The following ADGRL1 variants were observed in gnomAD, a reference collection of about 807,000 sequenced individuals.
The protein encoded by ADGRL1 is CIRL-1.
ADGRL1 carries 31 observed loss-of-function variants against 148.9 expected under a neutral mutation model. That is an observed-to-expected ratio of 0.21 (90% CI 0.16 to 0.28). The LOEUF is 0.28. ADGRL1 is among the 10% of genes least tolerant of loss of function. The pLI, the probability that ADGRL1 is intolerant of heterozygous loss-of-function variation, is 1.00. For synonymous variants in ADGRL1, 937 were observed against 900.3 expected, an observed-to-expected ratio of 1.04 and a Z score of -0.73; for missense variants, 1,521 against 2,058.8, an observed-to-expected ratio of 0.74 and a Z score of 5.05.
rs1452618572 is a variant in ADGRL1, at chr19:14,155,907, T to C, written c.3125+203A>G. The C allele has an allele frequency of 1.7e-6, 1 of 593,402 alleles. No individual in the cohort carries two copies. Among genetic ancestry groups the C allele is most frequent in the East Asian group, 2.8e-5 (1 of 35,702 alleles). The allele number at this position is 593,402 out of a possible 1,614,324, so 36.8% of individuals were successfully genotyped here. A position where few individuals can be genotyped will look rare whatever the true frequency, so the allele number is the denominator to read the frequency against. ...ATACCGATGCCCCTAAAACCACAGG[T>C]TGGACGTGCTAATGATACGCTATCT... is the stretch of plus-strand genomic sequence containing the variant. On this transcript the variant is annotated intron_variant, in intron 17 of 22. Coordinates refer to ENST00000361434, the MANE Select transcript of ADGRL1 (RefSeq NM_014921.5). The surrounding 1 kb of genome is among the most constrained non-coding windows in gnomAD (Gnocchi z 5.0).
Position 14,160,487 on chromosome 19 carries a change from C to T in ADGRL1, c.1614+106G>A. 1.0e-6 allele frequency: 1 copy of T among 979,292 alleles called. No individual in the cohort carries two copies. Among genetic ancestry groups the T allele is most frequent in the South Asian group, 1.7e-5 (1 of 59,442 alleles). The allele number at this position is 979,292 out of a possible 1,614,324, so 60.7% of individuals were successfully genotyped here. On this transcript the variant is annotated intron_variant, in intron 7 of 22. Coordinates refer to ENST00000361434, the MANE Select transcript of ADGRL1 (RefSeq NM_014921.5). This position sits in a 1 kb window ranked among gnomAD's most constrained non-coding sequence, Gnocchi z 5.9. ...GGAGGTGACCCCACAGTCCTGCCTT[C>T]CAGACCTGCCAGCCCATGTCTCCCC... is the stretch of plus-strand genomic sequence containing the variant.
rs1483656970 is a variant in ADGRL1 at position 14,155,571 on chromosome 19, G to A, written c.3126-44C>T. 6.2e-7 allele frequency: 1 copy of A among 1,602,904 alleles called. No homozygotes were observed. The highest frequency in any genetic ancestry group is 8.5e-7 in the Non-Finnish European group (1 of 1,174,438). ...GGGAGTCAAAGTACCCGCCGGAGGGGACGGCCTCAGCCCAGGCCTCCCCTG... is the reference window on the plus strand; with the variant it reads ...GGGAGTCAAAGTACCCGCCGGAGGGAACGGCCTCAGCCCAGGCCTCCCCTG... On this transcript the variant is annotated intron_variant, in intron 17 of 22. Coordinates refer to ENST00000361434, the MANE Select transcript of ADGRL1 (RefSeq NM_014921.5). This position sits in a 1 kb window ranked among gnomAD's most constrained non-coding sequence, Gnocchi z 5.0.
In ADGRL1 at chr19:14,160,337, G is replaced by A. The variant is rs756534384; in HGVS notation, c.1615-40C>T. 5.8e-6 allele frequency: 9 copies of A among 1,550,928 alleles called. No homozygotes were observed. The highest frequency in any genetic ancestry group is 2.7e-5 in the African/African-American group (2 of 73,742). ...GGCGGGAAGGGGGAATCCCAGGACT[G>A]TCAGGGACCATCCTGCCCTCCCCGG... On this transcript the variant is annotated intron_variant, in intron 7 of 22. Coordinates refer to ENST00000361434, the MANE Select transcript of ADGRL1 (RefSeq NM_014921.5). This position sits in a 1 kb window ranked among gnomAD's most constrained non-coding sequence, Gnocchi z 5.9.
At chr19:14,183,203 G>GAGAGAGAGAGAGAT in intron 2 of ADGRL1, among the ~76,000 whole-genome samples, 1 of 149,502 alleles carries the variant, frequency 6.7e-6, no homozygotes, top group South Asian at 2.1e-4. Context: ...CAGAGAGAGA[G>GAGAGAGAGAGAGAT]AGAGAGAGAG....
At chr19:14,168,135 C>A (rs570376926) in intron 4 of ADGRL1, among the ~76,000 whole-genome samples, 29 of 152,200 alleles carry the variant, frequency 1.9e-4, no homozygotes, top group Admixed American at 3.9e-4. Context: ...GGCCGCTCCC[C>A]CTCTGCATCC....
intron 2 of ADGRL1, 105 bp downstream of exon 2, chr19:14,183,428 G>C (rs139930568): frequency 4.7e-6 from 5 of 1,060,148 alleles, no homozygotes; most frequent in Non-Finnish European, 6.9e-6. Context: ...GGGGCAGGGG[G>C]CTGTAATTCT....
At chr19:14,156,564 T>TGG (rs1404237126) in intron 16 of ADGRL1, 94 bp downstream of exon 16, 3 of 519,132 alleles carry the variant, frequency 5.8e-6, no homozygotes, top group African/African-American at 6.9e-5. Context: ...TGTGTGTGTG[T>TGG]GTGGGGGGGG....
intron 11 of ADGRL1, 28 bp from the exon 12 acceptor site, chr19:14,158,580 G>T: frequency 6.4e-7 from 1 of 1,565,206 alleles, no homozygotes; most frequent in South Asian, 1.1e-5. Flanking sequence ...GTTTGGATGT[G>T]TCAGCATCCT....
chr19:14,183,179 C>G (rs746025751), intron 2 of ADGRL1, among the ~76,000 whole-genome samples: 21 of 141,740 alleles, frequency 1.5e-4, no homozygotes, highest in Non-Finnish European at 2.5e-4. Context: ...GTGAGAGCCT[C>G]GAAGATGTAA....
intron 3 of ADGRL1, among the ~76,000 whole-genome samples, chr19:14,172,903 T>G (rs1259621768): frequency 6.6e-6 from 1 of 152,202 alleles, no homozygotes; most frequent in African/African-American, 2.4e-5. Flanking sequence ...TGTAACAATA[T>G]TTTACTACTA....
chr19:14,196,278 T>G (rs540983399), intron 1 of ADGRL1, among the ~76,000 whole-genome samples: 1 of 152,228 alleles, frequency 6.6e-6, no homozygotes, highest in Admixed American at 6.5e-5. Context: ...GAACCCTCCG[T>G]GGCTCCCACC....
rs1170862725 is a variant in ADGRL1 at position 14,159,976 on chromosome 19, GA to G, written c.1800+135del. 191 of 1,059,812 alleles carry G rather than the reference GA, an allele frequency of 1.8e-4. No individual in the cohort carries two copies. Among genetic ancestry groups the G allele is most frequent in the Admixed American group, 2.9e-4 (12 of 40,996 alleles). 65.7% of individuals were successfully genotyped at this position (1,059,812 alleles called of 1,614,324 possible). On this transcript the variant is annotated intron_variant, in intron 8 of 22. Coordinates refer to ENST00000361434, the MANE Select transcript of ADGRL1 (RefSeq NM_014921.5). The surrounding 1 kb of genome is among the most constrained non-coding windows in gnomAD (Gnocchi z 6.0). ...GTGAGACCCGGCAGTCCTTGGCGGA[GA>G]GGGGGGGGTCCTTCCTCTCTGAGGA...
At chr19:14,193,510 C>A (rs1197519816) in intron 1 of ADGRL1, among the ~76,000 whole-genome samples, 1 of 152,042 alleles carries the variant, frequency 6.6e-6, no homozygotes, top group Non-Finnish European at 1.5e-5. Context: ...TTGCTTGAGC[C>A]CAGGAGGTTG....
At chr19:14,194,919 G>A (rs1972166770) in intron 1 of ADGRL1, among the ~76,000 whole-genome samples, 1 of 140,908 alleles carries the variant, frequency 7.1e-6, no homozygotes. Flanking sequence ...GGATCTTGCT[G>A]TGTCGCCCAG....
In ADGRL1 at chr19:14,150,810, C is replaced by T; in HGVS notation, c.*63G>A. On this transcript the variant is annotated 3_prime_UTR_variant, in exon 23 of 23. Transcript: ENST00000361434. The stretch of plus-strand genomic sequence containing the variant: ...GCCTCCATCTGTCTCCCTCTCCCAC[C>T]AGAGCCCTGCCCAGGGTTCCCTCCC... 5 of 1,566,336 alleles carry T rather than the reference C, an allele frequency of 3.2e-6. No homozygotes were observed. Among genetic ancestry groups the T allele is most frequent in the Non-Finnish European group, 4.3e-6 (5 of 1,158,730 alleles).
In ADGRL1 at chr19:14,150,080, C is replaced by G. The variant is rs1968018294; in HGVS notation, c.*793G>C. ...CAGGGAGATCCAGACCCAAAATCTG[C>G]TCCCCAGATAGCCGAGCCCACAGGA... is the stretch of plus-strand genomic sequence containing the variant. On this transcript the variant is annotated 3_prime_UTR_variant, in exon 23 of 23. Transcript: ENST00000361434. The G allele has an allele frequency of 6.6e-6, 1 of 152,350 alleles. No homozygotes were observed. Among genetic ancestry groups the G allele is most frequent in the Non-Finnish European group, 1.5e-5 (1 of 68,054 alleles). The allele number at this position is 152,350 out of a possible 1,614,324, so 9.4% of individuals were successfully genotyped here. A position where few individuals can be genotyped will look rare whatever the true frequency, so the allele number is the denominator to read the frequency against.
intron 18 of ADGRL1, among the ~76,000 whole-genome samples, chr19:14,153,611 A>G (rs953188571): frequency 7.9e-6 from 1 of 126,544 alleles, no homozygotes; most frequent in African/African-American, 3.0e-5. Flanking sequence ...TATTTTTAGT[A>G]GAGACGGGGT....
chr19:14,158,626 C>T (rs1253706699), intron 11 of ADGRL1, 74 bp from the exon 12 acceptor site: 28 of 1,209,798 alleles, frequency 2.3e-5, no homozygotes, highest in South Asian at 1.5e-4. Flanking sequence ...CCTGGCTTCC[C>T]AGCTCAGCCA....
chr19:14,159,637 T>C lies in ADGRL1; in HGVS notation c.1840-53A>G. On this transcript the variant is annotated intron_variant, in intron 9 of 22. Coordinates refer to ENST00000361434, the MANE Select transcript of ADGRL1 (RefSeq NM_014921.5). The surrounding 1 kb of genome is among the most constrained non-coding windows in gnomAD (Gnocchi z 6.0). ...GAGCCCCCCAACACCCTCTAATTCCTGGGGGTGGGCTCTGCATGCCCTCTT... is the reference window on the plus strand; with the variant it reads ...GAGCCCCCCAACACCCTCTAATTCCCGGGGGTGGGCTCTGCATGCCCTCTT... 6.3e-7 allele frequency: 1 copy of C among 1,591,924 alleles called. No individual in the cohort carries two copies. The highest frequency in any genetic ancestry group is 8.6e-7 in the Non-Finnish European group (1 of 1,162,776).
Sources: allele counts gnomAD v4.1 joint callset (sites outside exome capture counted in the v4.1 genomes callset), GRCh38; gene constraint gnomAD v4.1.1; non-coding constraint Gnocchi (gnomAD v3.1); transcripts MANE v1.5; gene names NCBI Gene and HGNC (gene_info 2026-07-23, HGNC 2026-07-21).